Variants in VPS41 observed in about 807,000 individuals in gnomAD.
The protein encoded by VPS41 is vacuolar protein sorting-associated protein 41 homolog.
VPS41 carries 85 observed loss-of-function variants against 130.9 expected under a neutral mutation model. That is an observed-to-expected ratio of 0.65 (90% CI 0.55 to 0.78). VPS41 has a LOEUF of 0.78. Ranked by LOEUF, VPS41 falls within the 30% of genes least tolerant of loss-of-function variation. The pLI is 0.00. For synonymous variants in VPS41, 335 were observed against 332.9 expected, an observed-to-expected ratio of 1.01 and a Z score of -0.07; for missense variants, 874 against 1,018.7, an observed-to-expected ratio of 0.86 and a Z score of 1.93.
chr7:38,753,977 C>G (rs1783735069), intron 21 of VPS41, among the ~76,000 whole-genome samples: 1 of 152,258 alleles, frequency 6.6e-6, no homozygotes, highest in East Asian at 1.9e-4. Context: ...ACCCATAGTC[C>G]TACTGATATA....
At chr7:38,760,474 C>G (rs1214448648) in intron 17 of VPS41, among the ~76,000 whole-genome samples, 1 of 152,140 alleles carries the variant, frequency 6.6e-6, no homozygotes, top group East Asian at 1.9e-4. Context: ...CCACTTCTCT[C>G]TTTTTACATG....
At chr7:38,844,342 T>TTA (rs1304755635) in intron 4 of VPS41, among the ~76,000 whole-genome samples, 1 of 152,220 alleles carries the variant, frequency 6.6e-6, no homozygotes, top group Non-Finnish European at 1.5e-5. Flanking sequence ...ACTGCATCAT[T>TTA]TATATATATC....
chr7:38,903,016 C>T (rs1375408092), intron 1 of VPS41, among the ~76,000 whole-genome samples: 1 of 139,584 alleles, frequency 7.2e-6, no homozygotes, highest in Admixed American at 7.0e-5. Context: ...AGACAAGCTG[C>T]CAATCTAAAA....
intron 4 of VPS41, among the ~76,000 whole-genome samples, chr7:38,853,531 C>T (rs1238505286): frequency 6.6e-6 from 1 of 152,146 alleles, no homozygotes; most frequent in East Asian, 1.9e-4. Context: ...TACAGGTTCC[C>T]TGTCTCCCAA....
rs575084026 is a variant in VPS41 at position 38,840,271 on chromosome 7, T to C, written c.247-9943A>G. On this transcript the variant is annotated intron_variant, in intron 4 of 28. Coordinates refer to ENST00000310301, the MANE Select transcript of VPS41 (RefSeq NM_014396.4). ...ACTGTTGTTATGTTTTTATTTTTTG[T>C]TATATTTTTGTTATTTATGGGCCCA... Among the ~76,000 whole-genome samples, 13 of 152,332 alleles carry C rather than the reference T, an allele frequency of 8.5e-5. No individual in the cohort carries two copies. The South Asian group carries it at 2.7e-3, about 32-fold the overall frequency.
chr7:38,766,740 G>C (rs1039497111), intron 15 of VPS41, among the ~76,000 whole-genome samples: 1 of 152,114 alleles, frequency 6.6e-6, no homozygotes, highest in Non-Finnish European at 1.5e-5. Context: ...AGCTCTGATG[G>C]TATTATGAGG....
intron 7 of VPS41, among the ~76,000 whole-genome samples, chr7:38,809,352 TTA>T (rs913298876): frequency 9.2e-4 from 135 of 146,720 alleles, no homozygotes; most frequent in Non-Finnish European, 1.5e-3. Flanking sequence ...TATGTATATT[TTA>T]TATATATATA....
rs778864949 is a variant in VPS41 at position 38,774,112 on chromosome 7, T to C, written c.1012+3A>G. The C allele has an allele frequency of 1.3e-6, 2 of 1,598,196 alleles. No individual in the cohort carries two copies. The highest frequency in any genetic ancestry group is 2.2e-5 in the East Asian group (1 of 44,594). ...TATCAGCCAGATCTTTCATATCTCCTACCTAAATGATAATCTCTACATTCA... is the reference window on the plus strand; with the variant it reads ...TATCAGCCAGATCTTTCATATCTCCCACCTAAATGATAATCTCTACATTCA... On this transcript the variant is annotated splice_donor_region_variant and intron_variant, in intron 12 of 28. Coordinates refer to ENST00000310301, the MANE Select transcript of VPS41 (RefSeq NM_014396.4).
chr7:38,735,671 A>G (rs562959487), intron 25 of VPS41, among the ~76,000 whole-genome samples: 1 of 152,228 alleles, frequency 6.6e-6, no homozygotes, highest in Non-Finnish European at 1.5e-5. Flanking sequence ...TATGAGACCA[A>G]ATGGAGGCCC....
intron 4 of VPS41, among the ~76,000 whole-genome samples, chr7:38,856,448 A>G (rs532022793): frequency 6.6e-6 from 1 of 152,302 alleles, no homozygotes; most frequent in South Asian, 2.1e-4. Context: ...TATACATCCA[A>G]TGGACAAGTG....
intron 2 of VPS41, among the ~76,000 whole-genome samples, chr7:38,879,712 G>A (rs142281350): frequency 3.3e-5 from 5 of 152,012 alleles, no homozygotes. Context: ...ATCACAGTAG[G>A]GTTCATGCTT....
intron 13 of VPS41, among the ~76,000 whole-genome samples, 198 bp from the exon 14 acceptor site, chr7:38,771,452 T>C (rs1784152254): frequency 6.6e-6 from 1 of 152,196 alleles, no homozygotes; most frequent in South Asian, 2.1e-4. Context: ...AATGCTATGG[T>C]TGAATGAACC....
intron 7 of VPS41, among the ~76,000 whole-genome samples, chr7:38,803,102 T>C (rs1463869623): frequency 1.3e-5 from 2 of 152,246 alleles, no homozygotes; most frequent in African/African-American, 4.8e-5. Flanking sequence ...TCCTCTGTTT[T>C]GTGCTGATAA....
chr7:38,756,524 T>C (rs144896562), intron 19 of VPS41, among the ~76,000 whole-genome samples: 66 of 152,324 alleles, frequency 4.3e-4, no homozygotes, highest in Admixed American at 2.5e-3. Flanking sequence ...TCAAAGTATA[T>C]ACGTGGTTTG....
At position 38,723,050 on chromosome 7, in the gene VPS41, T is replaced by C. The variant is rs971462538; in HGVS notation, c.*3196A>G. ...GCTAAAGAAAATAGTAAGAAAATCA[T>C]AAGGAAAAGAAAATATATTTACTAC... On this transcript the variant is annotated 3_prime_UTR_variant, in exon 29 of 29. Coordinates refer to ENST00000310301, the MANE Select transcript of VPS41 (RefSeq NM_014396.4). 6.6e-6 allele frequency: 1 copy of C among 152,150 alleles called. No homozygotes were observed. The highest frequency in any genetic ancestry group is 1.5e-5 in the Non-Finnish European group (1 of 68,032). The allele number at this position is 152,150 out of a possible 1,614,324, so 9.4% of individuals were successfully genotyped here. A position where few individuals can be genotyped will look rare whatever the true frequency, so the allele number is the denominator to read the frequency against.
rs148373860 is a variant in VPS41, at chr7:38,795,541, C to A, written c.641G>T (p.Arg214Leu). The A allele has an allele frequency of 2.0e-5, 33 of 1,613,330 alleles. No individual in the cohort carries two copies. Among genetic ancestry groups the A allele is most frequent in the Non-Finnish European group, 2.7e-5 (32 of 1,179,668 alleles). ...TNVPRDDISL[R>L]PDMYPCSLCW... ...GAGGCTGCAGGGATACATGTCTGGG[C>A]GAAGACTTATATCATCCCGGGGCAC... The change falls in exon 9 of 29, where the codon CGC (arginine) becomes CTC (leucine). Residue 214 changes from arginine (R) to leucine (L), a missense_variant. Arg to Leu is a moderately radical substitution (Grantham distance 102). Transcript: ENST00000310301.
At chr7:38,815,725 G>A (rs1349327207) in intron 7 of VPS41, among the ~76,000 whole-genome samples, 1 of 152,140 alleles carries the variant, frequency 6.6e-6, no homozygotes, top group Non-Finnish European at 1.5e-5. Context: ...GCAGGCAGAA[G>A]AACGTGAAAA....
intron 10 of VPS41, among the ~76,000 whole-genome samples, chr7:38,787,913 T>C (rs1465806196): frequency 2.0e-5 from 3 of 152,234 alleles, no homozygotes; most frequent in Non-Finnish European, 2.9e-5. Flanking sequence ...AGTAATGTGA[T>C]ACTGTTAGTA....
intron 10 of VPS41, among the ~76,000 whole-genome samples, chr7:38,786,825 A>G (rs1166657120): frequency 2.0e-5 from 3 of 152,120 alleles, no homozygotes; most frequent in African/African-American, 4.8e-5. Context: ...ACTCCTGGGC[A>G]CACACACACA....
Sources: gnomAD v4.1 joint callset for allele counts (sites outside exome capture counted in the v4.1 genomes callset) on GRCh38, gnomAD v4.1.1 for gene constraint, MANE v1.5 for transcripts, NCBI Gene and HGNC (gene_info 2026-07-23, HGNC 2026-07-21) for gene names.